FHOD3: variants seen among roughly 807,000 people sequenced by gnomAD.
FHOD3 encodes the protein FH1/FH2 domain-containing protein 3.
In FHOD3, 90 loss-of-function variants were observed where a neutral mutation model predicts 173.0. The ratio of observed to expected loss-of-function variants is 0.52; its 90% CI spans 0.44 to 0.62. The LOEUF (loss-of-function observed/expected upper bound fraction) is 0.62, where lower values mean the gene tolerates loss of function less well. FHOD3 is among the 20% of genes least tolerant of loss of function. The pLI, the probability that FHOD3 is intolerant of heterozygous loss-of-function variation, is 0.00. For missense variants in FHOD3, 1,945 were observed against 2,034.7 expected, an observed-to-expected ratio of 0.96 and a Z score of 0.85; for synonymous variants, 828 against 823.0, an observed-to-expected ratio of 1.01 and a Z score of -0.10.
At chr18:36,566,980 G>A (rs898769350) in intron 5 of FHOD3, among the ~76,000 whole-genome samples, 2 of 152,134 alleles carry the variant, frequency 1.3e-5, no homozygotes, top group Admixed American at 6.5e-5. Context: ...TGCATTACTG[G>A]TCTTATTAGA....
chr18:36,600,229 A>G (rs760497835), intron 7 of FHOD3, among the ~76,000 whole-genome samples: 31 of 148,774 alleles, frequency 2.1e-4, no homozygotes, highest in Non-Finnish European at 3.5e-4. Context: ...TTATGATTCC[A>G]GTACAGGAAC....
intron 3 of FHOD3, among the ~76,000 whole-genome samples, chr18:36,439,256 G>T (rs1224637271): frequency 2.6e-5 from 4 of 152,144 alleles, no homozygotes; most frequent in African/African-American, 9.7e-5. Context: ...AAAATCTTAA[G>T]CTTTTCAGCC....
chr18:36,412,674 A>G (rs75535147), intron 3 of FHOD3, among the ~76,000 whole-genome samples: 1,923 of 152,338 alleles, frequency 0.013, 38 homozygotes, highest in African/African-American at 0.044. Flanking sequence ...AAAAGTCATA[A>G]TACTTTTTGC....
intron 2 of FHOD3, among the ~76,000 whole-genome samples, chr18:36,368,913 C>A (rs550772501): frequency 6.6e-6 from 1 of 152,144 alleles, no homozygotes; most frequent in Non-Finnish European, 1.5e-5. Flanking sequence ...CCAGGTCCCT[C>A]CCTCACACCT....
intron 10 of FHOD3, among the ~76,000 whole-genome samples, chr18:36,633,861 T>TA (rs1386685254): frequency 2.0e-5 from 3 of 152,254 alleles, no homozygotes; most frequent in African/African-American, 7.2e-5. Flanking sequence ...AAATCATACT[T>TA]ACTGATTTGC....
chr18:36,531,819 C>G (rs892331018), intron 5 of FHOD3, among the ~76,000 whole-genome samples: 2 of 152,234 alleles, frequency 1.3e-5, no homozygotes, highest in African/African-American at 2.4e-5. Flanking sequence ...AGGCAGGATG[C>G]TTGACACCAG....
At chr18:36,314,467 T>C (rs1441672839) in intron 1 of FHOD3, among the ~76,000 whole-genome samples, 1 of 152,162 alleles carries the variant, frequency 6.6e-6, no homozygotes, top group Non-Finnish European at 1.5e-5. Flanking sequence ...ATGTGAGCAG[T>C]AATGGAGGAA....
chr18:36,705,304 G>A (rs1055659764), intron 17 of FHOD3, among the ~76,000 whole-genome samples: 3 of 152,108 alleles, frequency 2.0e-5, no homozygotes, highest in Non-Finnish European at 4.4e-5. Context: ...GTGGGCTCTG[G>A]GTGCCTGCAT....
At position 36,673,913 on chromosome 18, in the gene FHOD3, CT is replaced by C. The variant is rs1233598555; in HGVS notation, c.1836-7520del. Among the ~76,000 whole-genome samples the C allele has an allele frequency of 6.6e-5, 10 of 152,074 alleles. No homozygotes were observed. The East Asian group carries it at 1.9e-3, about 29-fold the overall frequency. On this transcript the variant is annotated intron_variant, in intron 14 of 28. Coordinates refer to ENST00000590592, the MANE Select transcript of FHOD3 (RefSeq NM_001281740.3). Reference sequence around the variant, plus strand: ...TCCCTCTGATATATATATTTTGGTTCTTTCTGAAACAAATTCTTTTATTATT... The same window carrying C: ...TCCCTCTGATATATATATTTTGGTTCTTCTGAAACAAATTCTTTTATTATT...
intron 5 of FHOD3, among the ~76,000 whole-genome samples, chr18:36,566,561 C>T (rs748416247): frequency 1.1e-4 from 17 of 152,286 alleles, no homozygotes; most frequent in South Asian, 4.1e-4. Flanking sequence ...CCAAGCAAGA[C>T]GGAACCAGAA....
chr18:36,356,386 C>G (rs1224870688), intron 2 of FHOD3, among the ~76,000 whole-genome samples: 3 of 152,188 alleles, frequency 2.0e-5, no homozygotes, highest in African/African-American at 4.8e-5. Context: ...GAGATGTGCA[C>G]AGAAAGTGAA....
At chr18:36,645,803 A>T (rs948490767) in intron 10 of FHOD3, among the ~76,000 whole-genome samples, 3 of 152,176 alleles carry the variant, frequency 2.0e-5, no homozygotes, top group African/African-American at 7.2e-5. Flanking sequence ...CATTTTTTTT[A>T]AAAAAGCAGT....
intron 18 of FHOD3, chr18:36,711,074 G>A (rs2040145633): frequency 6.6e-6 from 1 of 152,182 alleles, no homozygotes; most frequent in Admixed American, 6.5e-5. Flanking sequence ...CTACCAAAGT[G>A]GGCAATGTCC....
At chr18:36,610,429 C>T (rs1357296258) in intron 8 of FHOD3, among the ~76,000 whole-genome samples, 2 of 152,230 alleles carry the variant, frequency 1.3e-5, no homozygotes, top group African/African-American at 4.8e-5. Flanking sequence ...ATGTGGTTAG[C>T]CTGGTTCCTG....
chr18:36,337,760 A>G (rs1477038300), intron 1 of FHOD3, among the ~76,000 whole-genome samples: 1 of 152,160 alleles, frequency 6.6e-6, no homozygotes, highest in Non-Finnish European at 1.5e-5. Flanking sequence ...ACCAGTCTTT[A>G]ATTATAGCTC....
intron 1 of FHOD3, 90 bp from the exon 2 acceptor site, chr18:36,355,449 A>C (rs1038129660): frequency 5.7e-6 from 6 of 1,050,044 alleles, no homozygotes; most frequent in South Asian, 5.6e-5. Flanking sequence ...TTGATTTTAC[A>C]AAACACAGGA....
rs1049200440 is a variant in FHOD3, at chr18:36,602,829, C to A, written c.813+61C>A. ...CTAAAAAGATATGTTAAAGCCCTGA[C>A]CCCTGGTATCTGTGCTTGTGGGCTT... On this transcript the variant is annotated intron_variant, in intron 8 of 28. Coordinates refer to ENST00000590592, the MANE Select transcript of FHOD3 (RefSeq NM_001281740.3). The A allele has an allele frequency of 5.5e-6, 7 of 1,280,450 alleles. No individual in the cohort carries two copies. The Admixed American group carries it at 8.5e-5, about 16-fold the overall frequency. The allele number at this position is 1,280,450 out of a possible 1,614,324, so 79.3% of individuals were successfully genotyped here.
intron 26 of FHOD3, among the ~76,000 whole-genome samples, chr18:36,759,639 T>C (rs1006981182): frequency 6.6e-6 from 1 of 152,218 alleles, no homozygotes. Context: ...CCAACGTCCA[T>C]GCAGTGGCAG....
At chr18:36,656,114 T>G (rs2036410575) in intron 13 of FHOD3, among the ~76,000 whole-genome samples, 1 of 152,132 alleles carries the variant, frequency 6.6e-6, no homozygotes. Context: ...GTGCTAGGTG[T>G]CGTGCGGGGC....
Sources: allele counts gnomAD v4.1 joint callset (sites outside exome capture counted in the v4.1 genomes callset), GRCh38; gene constraint gnomAD v4.1.1; transcripts MANE v1.5; gene names NCBI Gene and HGNC (gene_info 2026-07-23, HGNC 2026-07-21).